GAS2: variants seen among roughly 807,000 people sequenced by gnomAD.
The protein encoded by GAS2 is growth arrest-specific protein 2.
A neutral mutation model predicts 37.5 loss-of-function variants in GAS2; 20 were observed. The ratio of observed to expected loss-of-function variants is 0.53; its 90% CI spans 0.37 to 0.77. The LOEUF is 0.77. Among genes scored for constraint, GAS2 ranks in the 30% least tolerant of loss-of-function variants. GAS2 has a pLI of 0.00. For synonymous variants in GAS2, 144 were observed against 132.2 expected, an observed-to-expected ratio of 1.09 and a Z score of -0.61; for missense variants, 336 against 373.4, an observed-to-expected ratio of 0.90 and a Z score of 0.82.
rs543204568 is a variant in GAS2 at position 22,769,403 on chromosome 11, A to C, written c.723+13450A>C. Among the ~76,000 whole-genome samples, 17 of 152,350 alleles carry C rather than the reference A, an allele frequency of 1.1e-4. No homozygotes were observed. The East Asian group carries it at 3.3e-3, about 29-fold the overall frequency. ...AAATAAATCCACCAATAAGTACTGAAAGAATTCCAGGTGAACCTGAATGTT... is the reference window on the plus strand; with the variant it reads ...AAATAAATCCACCAATAAGTACTGACAGAATTCCAGGTGAACCTGAATGTT... On this transcript the variant is annotated intron_variant, in intron 7 of 7. Transcript: ENST00000454584.
At chr11:22,732,235 AG>A (rs1441605862) in intron 4 of GAS2, among the ~76,000 whole-genome samples, 1 of 151,754 alleles carries the variant, frequency 6.6e-6, no homozygotes. Context: ...TCTGAGTGAT[AG>A]TGGCTTAATC....
intron 7 of GAS2, among the ~76,000 whole-genome samples, chr11:22,768,505 T>C (rs1003200592): frequency 2.6e-5 from 4 of 152,202 alleles, no homozygotes; most frequent in Non-Finnish European, 5.9e-5. Context: ...TTGCCAATTA[T>C]GGAAAACTGC....
At chr11:22,738,315 T>C (rs111321956) in intron 5 of GAS2, among the ~76,000 whole-genome samples, 2 of 151,876 alleles carry the variant, frequency 1.3e-5, no homozygotes, top group Non-Finnish European at 2.9e-5. Context: ...TTGAAACCTG[T>C]TTTTTTTCTG....
At chr11:22,744,875 CT>C (rs1169999421) in intron 5 of GAS2, among the ~76,000 whole-genome samples, 1 of 151,600 alleles carries the variant, frequency 6.6e-6, no homozygotes, top group East Asian at 1.9e-4. Flanking sequence ...AATTATCTCC[CT>C]ACAAAAAAGT....
At chr11:22,780,471 G>A (rs555780682) in intron 7 of GAS2, among the ~76,000 whole-genome samples, 1 of 150,122 alleles carries the variant, frequency 6.7e-6, no homozygotes, top group South Asian at 2.1e-4. Context: ...CTCCAGCCTG[G>A]GCAACAGAGC....
At chr11:22,795,025 C>T (rs1364794833) in intron 7 of GAS2, among the ~76,000 whole-genome samples, 1 of 152,030 alleles carries the variant, frequency 6.6e-6, no homozygotes, top group Non-Finnish European at 1.5e-5. Context: ...AAAAAGGGTT[C>T]TAGGAAATAA....
intron 1 of GAS2, among the ~76,000 whole-genome samples, chr11:22,667,909 A>G (rs968011621): frequency 5.3e-5 from 8 of 152,196 alleles, no homozygotes; most frequent in Non-Finnish European, 7.3e-5. Flanking sequence ...GCAAAACTTT[A>G]TTCTTATAAA....
At chr11:22,689,284 A>C (rs1850117850) in intron 3 of GAS2, among the ~76,000 whole-genome samples, 1 of 152,094 alleles carries the variant, frequency 6.6e-6, no homozygotes, top group Non-Finnish European at 1.5e-5. Flanking sequence ...CCTAAAATAA[A>C]AGTTAAAAAA....
chr11:22,801,203 A>G (rs563428145), intron 7 of GAS2, among the ~76,000 whole-genome samples: 1 of 152,168 alleles, frequency 6.6e-6, no homozygotes, highest in African/African-American at 2.4e-5. Context: ...AGGGGAAAAA[A>G]AACTCCTTTC....
chr11:22,671,130 AT>A (rs947980272), intron 1 of GAS2, among the ~76,000 whole-genome samples: 2 of 151,856 alleles, frequency 1.3e-5, no homozygotes, highest in Non-Finnish European at 2.9e-5. Context: ...CAAAGTCATT[AT>A]TTTTTTCTTT....
At chr11:22,672,825 T>TTTA (rs3049402) in intron 1 of GAS2, among the ~76,000 whole-genome samples, 4 of 151,630 alleles carry the variant, frequency 2.6e-5, no homozygotes, top group Admixed American at 6.6e-5. Flanking sequence ...ATTTTTTTTT[T>TTTA]AACTGGGGCA....
At chr11:22,808,951 CA>C (rs1313420319) in intron 7 of GAS2, among the ~76,000 whole-genome samples, 1 of 152,140 alleles carries the variant, frequency 6.6e-6, no homozygotes, top group East Asian at 1.9e-4. Context: ...TGAAAGCTGT[CA>C]TGAGTAAAGG....
rs765165163 is a variant in GAS2, at chr11:22,674,900, A to C, written c.31A>C (p.Ser11Arg). Reference protein sequence around the residue: MCTALSPKVRSGPGLSDMHQY... With the variant: MCTALSPKVRRGPGLSDMHQY... ...CACTGCTCTGAGCCCAAAGGTACGC[A>C]GTGGACCTGGCCTCTCTGATATGCA... Residue 11 changes from serine (S) to arginine (R), a missense_variant, in exon 2 of 8, where the codon AGT (serine) becomes CGT (arginine). By Grantham distance (110) the Ser-to-Arg change is moderately radical. Transcript: ENST00000454584. 1 of 1,613,150 alleles carries C rather than the reference A, an allele frequency of 6.2e-7. No individual in the cohort carries two copies. The highest frequency in any genetic ancestry group is 1.7e-5 in the Admixed American group (1 of 59,832).
At chr11:22,800,693 C>T (rs913273348) in intron 7 of GAS2, among the ~76,000 whole-genome samples, 58 of 151,970 alleles carry the variant, frequency 3.8e-4, no homozygotes, top group African/African-American at 1.4e-3. Context: ...CCTGAGAGGG[C>T]GATGACACCT....
At chr11:22,811,131 A>T (rs1471119051) in intron 7 of GAS2, among the ~76,000 whole-genome samples, 1 of 152,178 alleles carries the variant, frequency 6.6e-6, no homozygotes, top group African/African-American at 2.4e-5. Context: ...ATTTAAATCA[A>T]TAACCTTGTT....
chr11:22,759,810 A>G lies in GAS2; in HGVS notation c.723+3857A>G, dbSNP rs141641042. Among the ~76,000 whole-genome samples, 486 of 152,234 alleles carry G rather than the reference A, an allele frequency of 3.2e-3. 1 individual carries two copies. Among genetic ancestry groups the G allele is most frequent in the Non-Finnish European group, 5.2e-3 (354 of 68,006 alleles). ...ATGTCTTGATTTCAGGGAGGAGAGAATTTTCTCTTGTTCATTTGTTTATTC... is the reference window on the plus strand; with the variant it reads ...ATGTCTTGATTTCAGGGAGGAGAGAGTTTTCTCTTGTTCATTTGTTTATTC... On this transcript the variant is annotated intron_variant, in intron 7 of 7. Coordinates refer to ENST00000454584, the MANE Select transcript of GAS2 (RefSeq NM_001143830.3).
At position 22,688,791 on chromosome 11, in the gene GAS2, G is replaced by A. The variant is rs76221694; in HGVS notation, c.267+3002G>A. Among the ~76,000 whole-genome samples the A allele has an allele frequency of 8.2e-3, 1,247 of 152,200 alleles. 18 individuals carry two copies. The highest frequency in any genetic ancestry group is 0.029 in the African/African-American group (1,193 of 41,522). The stretch of plus-strand genomic sequence containing the variant: ...CTTAAATGTGTTACTTGAACAAGTG[G>A]AGGTTTAAAAATACTTATTATCATC... On this transcript the variant is annotated intron_variant, in intron 3 of 7. Coordinates refer to ENST00000454584, the MANE Select transcript of GAS2 (RefSeq NM_001143830.3).
At chr11:22,698,402 A>C (rs1206209165) in intron 3 of GAS2, among the ~76,000 whole-genome samples, 3 of 152,104 alleles carry the variant, frequency 2.0e-5, no homozygotes, top group African/African-American at 7.2e-5. Context: ...AAAAGAGTCC[A>C]GGACCAGATG....
intron 1 of GAS2, among the ~76,000 whole-genome samples, chr11:22,655,476 A>T (rs1246515732): frequency 6.6e-6 from 1 of 152,228 alleles, no homozygotes; most frequent in African/African-American, 2.4e-5. Flanking sequence ...CAAAAACATT[A>T]TCAGAATCTC....
Sources: allele counts gnomAD v4.1 joint callset (sites outside exome capture counted in the v4.1 genomes callset), GRCh38; gene constraint gnomAD v4.1.1; transcripts MANE v1.5; gene names NCBI Gene and HGNC (gene_info 2026-07-23, HGNC 2026-07-21).